KDELR2: variants seen among roughly 807,000 people sequenced by gnomAD.
KDELR2 encodes KDEL endoplasmic reticulum protein retention receptor 2, also known as ER lumen protein-retaining receptor 2.
A neutral mutation model predicts 23.9 loss-of-function variants in KDELR2; 15 were observed. That is an observed-to-expected ratio of 0.63 (90% confidence interval 0.42 to 0.97). The LOEUF (loss-of-function observed/expected upper bound fraction) is 0.97. Among genes scored for constraint, KDELR2 ranks in the 50% least tolerant of loss-of-function variants. The probability of loss-of-function intolerance (pLI) is 0.00; values close to 1 mark genes in which losing one functional copy is unlikely to be tolerated. For synonymous variants in KDELR2, 119 were observed against 106.2 expected, an observed-to-expected ratio of 1.12 and a Z score of -0.74; for missense variants, 272 against 254.6, an observed-to-expected ratio of 1.07 and a Z score of -0.46.
intron 2 of KDELR2, chr7:6,469,988 C>A: frequency 2.8e-6 from 1 of 355,300 alleles, no homozygotes; most frequent in South Asian, 5.8e-5. Flanking sequence ...CAAAATTCTG[C>A]CATGCTGCCG....
At chr7:6,475,262 G>A (rs1487893741) in intron 1 of KDELR2, among the ~76,000 whole-genome samples, 2 of 152,032 alleles carry the variant, frequency 1.3e-5, no homozygotes, top group East Asian at 1.9e-4. Context: ...CCATCTCTAC[G>A]AAAAATAGAA....
rs1398434503 is a variant in KDELR2 at position 6,461,937 on chromosome 7, C to G, written c.*1204G>C. 3 of 152,052 alleles carry G rather than the reference C, an allele frequency of 2.0e-5. No homozygotes were observed. The highest frequency in any genetic ancestry group is 4.4e-5 in the Non-Finnish European group (3 of 68,020). 9.4% of individuals were successfully genotyped at this position (152,052 alleles called of 1,614,324 possible). A position where few individuals can be genotyped will look rare whatever the true frequency, so the allele number is the denominator to read the frequency against. On this transcript the variant is annotated 3_prime_UTR_variant, in exon 5 of 5. Coordinates refer to ENST00000258739, the MANE Select transcript of KDELR2 (RefSeq NM_006854.4). ...TTATGTGAACTTTAAATGTCTGCAGCCCTACAGAGCTTTTGTTGCCAATTG... is the reference window on the plus strand; with the variant it reads ...TTATGTGAACTTTAAATGTCTGCAGGCCTACAGAGCTTTTGTTGCCAATTG...
intron 1 of KDELR2, among the ~76,000 whole-genome samples, chr7:6,477,506 C>G (rs1785780915): frequency 6.6e-6 from 1 of 152,178 alleles, no homozygotes; most frequent in African/African-American, 2.4e-5. Context: ...TAAGATCTCC[C>G]AGAATACTCA....
intron 4 of KDELR2, among the ~76,000 whole-genome samples, chr7:6,463,444 A>G (rs1295494435): frequency 6.6e-6 from 1 of 152,138 alleles, no homozygotes; most frequent in East Asian, 1.9e-4. Context: ...GTACTATAAC[A>G]TAAAGGCCGG....
At chr7:6,472,322 T>C (rs1247347272) in intron 2 of KDELR2, among the ~76,000 whole-genome samples, 2 of 152,108 alleles carry the variant, frequency 1.3e-5, no homozygotes. Context: ...TAGCAGCACC[T>C]GGAGAAGAAC....
intron 4 of KDELR2, among the ~76,000 whole-genome samples, chr7:6,465,480 C>T (rs1785484567): frequency 3.4e-5 from 1 of 29,100 alleles, no homozygotes; most frequent in African/African-American, 1.6e-4. Flanking sequence ...CTGCACCTGG[C>T]ATAAATGTTT....
At chr7:6,478,412 C>T (rs577348444) in intron 1 of KDELR2, among the ~76,000 whole-genome samples, 13 of 152,154 alleles carry the variant, frequency 8.5e-5, no homozygotes, top group African/African-American at 1.2e-4. Context: ...CCTCCCAAAG[C>T]GCTGCCACCA....
At position 6,463,040 on chromosome 7, in the gene KDELR2, T is replaced by A; in HGVS notation, c.*101A>T. ...TGATGACTATCTGCAACAAAAGAGT[T>A]AAGTTTCTGATTTTCCGTATCAAGC... is the stretch of plus-strand genomic sequence containing the variant. On this transcript the variant is annotated 3_prime_UTR_variant, in exon 5 of 5. Transcript: ENST00000258739. The A allele has an allele frequency of 1.2e-6, 2 of 1,614,194 alleles. No individual in the cohort carries two copies. The highest frequency in any genetic ancestry group is 1.7e-6 in the Non-Finnish European group (2 of 1,180,026).
intron 1 of KDELR2, among the ~76,000 whole-genome samples, chr7:6,475,041 C>T (rs1022475275): frequency 1.3e-5 from 2 of 152,082 alleles, no homozygotes; most frequent in African/African-American, 4.8e-5. Flanking sequence ...TGAGAAGCAC[C>T]GACTCAGGTA....
intron 1 of KDELR2, among the ~76,000 whole-genome samples, chr7:6,475,937 G>A (rs1785741169): frequency 6.6e-6 from 1 of 151,914 alleles, no homozygotes; most frequent in African/African-American, 2.4e-5. Flanking sequence ...TTTGAGACTG[G>A]GTCTCACTCT....
At chr7:6,481,706 T>C (rs1785896747) in intron 1 of KDELR2, among the ~76,000 whole-genome samples, 2 of 151,868 alleles carry the variant, frequency 1.3e-5, no homozygotes, top group South Asian at 4.2e-4. Context: ...GGGGACAGAG[T>C]GAGACATCGG....
intron 2 of KDELR2, among the ~76,000 whole-genome samples, chr7:6,471,723 T>G (rs1475578175): frequency 2.6e-5 from 4 of 152,182 alleles, no homozygotes; most frequent in Admixed American, 1.3e-4. Flanking sequence ...ATTGTATGGA[T>G]GCACCAGTTT....
chr7:6,477,324 A>G (rs983077667), intron 1 of KDELR2, among the ~76,000 whole-genome samples: 12 of 152,190 alleles, frequency 7.9e-5, no homozygotes, highest in Admixed American at 3.3e-4. Context: ...CTTTAAAACA[A>G]CAAAACTGTC....
intron 2 of KDELR2, among the ~76,000 whole-genome samples, chr7:6,472,666 G>A (rs912072068): frequency 6.6e-6 from 1 of 152,166 alleles, no homozygotes; most frequent in Non-Finnish European, 1.5e-5. Context: ...CTCACATACT[G>A]CTTTGTCTCC....
intron 3 of KDELR2, among the ~76,000 whole-genome samples, chr7:6,468,955 C>CTT (rs59284369): frequency 7.0e-6 from 1 of 143,738 alleles, no homozygotes; most frequent in Non-Finnish European, 1.5e-5. Flanking sequence ...TAAATAACCT[C>CTT]TTTTTTTTTT....
chr7:6,482,337 T>C (rs1223611518), intron 1 of KDELR2: 1 of 243,828 alleles, frequency 4.1e-6, no homozygotes, highest in Non-Finnish European at 8.6e-6. Context: ...GGATAAGCCA[T>C]ATAAAGCACT....
intron 1 of KDELR2, among the ~76,000 whole-genome samples, chr7:6,478,116 C>T (rs1223991035): frequency 1.3e-5 from 2 of 151,958 alleles, no homozygotes; most frequent in African/African-American, 2.4e-5. Context: ...TTTTCCTACC[C>T]AGTGGTATGT....
Position 6,484,103 on chromosome 7 carries a change from C to G in KDELR2, c.-46G>C, listed in dbSNP as rs1399566889. The G allele has an allele frequency of 2.3e-6, 3 of 1,326,654 alleles. No homozygotes were observed. The highest frequency in any genetic ancestry group is 2.9e-6 in the Non-Finnish European group (3 of 1,029,750). 82.2% of individuals were successfully genotyped at this position (1,326,654 alleles called of 1,614,324 possible). A position where few individuals can be genotyped will look rare whatever the true frequency, so the allele number is the denominator to read the frequency against. On this transcript the variant is annotated 5_prime_UTR_variant, in exon 1 of 5. Transcript: ENST00000258739. ...TCGGCGCAGCGCGGCGGCCCCGGGG[C>G]TGGGCGGCTCAGGAGGCGGCGGCCC...
intron 1 of KDELR2, among the ~76,000 whole-genome samples, chr7:6,480,303 C>T (rs1164737000): frequency 1.3e-5 from 2 of 152,158 alleles, no homozygotes; most frequent in African/African-American, 4.8e-5. Flanking sequence ...CATCTAAAAC[C>T]ACCGCTTGTT....
Sources: gnomAD v4.1 joint callset for allele counts (sites outside exome capture counted in the v4.1 genomes callset) on GRCh38, gnomAD v4.1.1 for gene constraint, MANE v1.5 for transcripts, NCBI Gene and HGNC (gene_info 2026-07-23, HGNC 2026-07-21) for gene names.